ADARB2: variants seen among roughly 807,000 people sequenced by gnomAD.
ADARB2 encodes the protein adenosine deaminase RNA specific B2 (inactive), also known as inactive double-stranded RNA-specific editase B2.
ADARB2 carries 25 observed loss-of-function variants against 62.2 expected under a neutral mutation model. The observed-to-expected ratio is 0.40, with a 90% CI of 0.29 to 0.56. The LOEUF is 0.56. Among genes scored for constraint, ADARB2 ranks in the 20% least tolerant of loss-of-function variants. The pLI, the probability that ADARB2 is intolerant of heterozygous loss-of-function variation, is 0.43. For synonymous variants in ADARB2, 572 were observed against 500.8 expected (o/e 1.14, Z -1.90); for missense variants, 1,071 against 1,077.4 (o/e 0.99, Z 0.08).
chr10:1,385,454 TAAAACA>T (rs989122434), intron 1 of ADARB2, among the ~76,000 whole-genome samples: 1 of 125,714 alleles, frequency 8.0e-6, no homozygotes, highest in Non-Finnish European at 1.9e-5. Flanking sequence ...ACTATATAAA[TAAAACA>T]AAAATTCTCA....
At chr10:1,230,980 G>T (rs753631906) in intron 6 of ADARB2, among the ~76,000 whole-genome samples, 1 of 152,174 alleles carries the variant, frequency 6.6e-6, no homozygotes, top group Non-Finnish European at 1.5e-5. Context: ...CTCGGAGAAC[G>T]TATTTGTTTT....
intron 1 of ADARB2, among the ~76,000 whole-genome samples, chr10:1,517,416 T>C (rs1005212286): frequency 1.3e-5 from 2 of 152,172 alleles, no homozygotes; most frequent in Non-Finnish European, 2.9e-5. Context: ...ACTGGTATTA[T>C]CAGGAAAAAA....
chr10:1,391,973 C>A (rs11250487), intron 1 of ADARB2, among the ~76,000 whole-genome samples: 40,702 of 151,376 alleles, frequency 0.27, 6,188 homozygotes, highest in Middle Eastern at 0.39. Flanking sequence ...GACATGTTGC[C>A]CAAGCTGGTC....
intron 6 of ADARB2, among the ~76,000 whole-genome samples, chr10:1,228,195 T>C (rs1474367533): frequency 6.6e-6 from 1 of 152,242 alleles, no homozygotes; most frequent in African/African-American, 2.4e-5. Context: ...GGTAAATATA[T>C]GACATCATCT....
At chr10:1,362,531 A>G (rs1467005469) in intron 3 of ADARB2, among the ~76,000 whole-genome samples, 1 of 151,960 alleles carries the variant, frequency 6.6e-6, no homozygotes, top group Non-Finnish European at 1.5e-5. Flanking sequence ...GGGCAGAGTG[A>G]GGCCCAGCTC....
chr10:1,586,237 A>G (rs1425612422), intron 1 of ADARB2, among the ~76,000 whole-genome samples: 2 of 152,152 alleles, frequency 1.3e-5, no homozygotes, highest in Non-Finnish European at 2.9e-5. Flanking sequence ...TATTAACAAC[A>G]AACAGCCACA....
Position 1,621,994 on chromosome 10 carries a change from G to T in ADARB2, c.100+115057C>A, listed in dbSNP as rs532483974. ...GCTGATTTCAAAATTTACTACCAAG[G>T]TAAGGTAATCTAGATAAATTGAACA... On this transcript the variant is annotated intron_variant, in intron 1 of 9. Coordinates refer to ENST00000381312, the MANE Select transcript of ADARB2 (RefSeq NM_018702.4). Among the ~76,000 whole-genome samples the T allele has an allele frequency of 2.0e-5, 3 of 152,254 alleles. No individual in the cohort carries two copies. The East Asian group carries it at 5.8e-4, about 29-fold the overall frequency.
chr10:1,190,877 C>T (rs1355387349), intron 8 of ADARB2, among the ~76,000 whole-genome samples: 5 of 152,238 alleles, frequency 3.3e-5, no homozygotes, highest in Admixed American at 6.5e-5. Flanking sequence ...GACTTGGCAT[C>T]GGTGGGGGCC....
intron 1 of ADARB2, among the ~76,000 whole-genome samples, chr10:1,450,741 C>T (rs1217542614): frequency 6.6e-6 from 1 of 152,178 alleles, no homozygotes; most frequent in Non-Finnish European, 1.5e-5. Flanking sequence ...GACAGAAGCC[C>T]CTGCTTGCAT....
intron 4 of ADARB2, among the ~76,000 whole-genome samples, chr10:1,267,711 AAACAC>A (rs1831219332): frequency 6.6e-6 from 1 of 152,268 alleles, no homozygotes; most frequent in Non-Finnish European, 1.5e-5. Flanking sequence ...AATCAAACTT[AAACAC>A]AACACAACTT....
rs1832893239 is a variant in ADARB2 at position 1,426,352 on chromosome 10, G to T, written c.101-47192C>A. Among the ~76,000 whole-genome samples the T allele has an allele frequency of 1.3e-5, 2 of 152,048 alleles. No homozygotes were observed. Among genetic ancestry groups the T allele is most frequent in the African/African-American group, 2.4e-5 (1 of 41,418 alleles). On this transcript the variant is annotated intron_variant, in intron 1 of 9. Coordinates refer to ENST00000381312, the MANE Select transcript of ADARB2 (RefSeq NM_018702.4). This position sits in a 1 kb window ranked among gnomAD's most constrained non-coding sequence, Gnocchi z 4.1. Reference sequence around the variant, plus strand: ...ACAAGGAGAGAACTGCCTTATTCCTGGGCACTGGCCTTTTTAAATCCTTTC... The same window carrying T: ...ACAAGGAGAGAACTGCCTTATTCCTTGGCACTGGCCTTTTTAAATCCTTTC...
intron 3 of ADARB2, chr10:1,361,349 C>T (rs1446761120): frequency 6.6e-6 from 1 of 152,180 alleles, no homozygotes; most frequent in Non-Finnish European, 1.5e-5. Context: ...GGCCCCAGCG[C>T]CCTTGTGAGG....
chr10:1,276,140 C>T (rs1209577718), intron 3 of ADARB2, among the ~76,000 whole-genome samples: 2 of 152,080 alleles, frequency 1.3e-5, no homozygotes, highest in Non-Finnish European at 2.9e-5. Context: ...AAAAGTGTTC[C>T]TATTTCTCCA....
At chr10:1,298,375 T>C (rs1831542247) in intron 3 of ADARB2, among the ~76,000 whole-genome samples, 1 of 152,244 alleles carries the variant, frequency 6.6e-6, no homozygotes, top group South Asian at 2.1e-4. Flanking sequence ...CCATGGAGTC[T>C]GCTCTGGGTG....
intron 4 of ADARB2, among the ~76,000 whole-genome samples, chr10:1,262,866 G>A (rs571881864): frequency 5.3e-5 from 8 of 152,264 alleles, no homozygotes; most frequent in African/African-American, 1.4e-4. Context: ...CAATAGCAAA[G>A]ACTTGGAACC....
At chr10:1,653,632 A>G (rs1484969600) in intron 1 of ADARB2, among the ~76,000 whole-genome samples, 1 of 143,628 alleles carries the variant, frequency 7.0e-6, no homozygotes, top group East Asian at 1.9e-4. Flanking sequence ...GCAGAGCCGC[A>G]GTGTCCACCC....
At chr10:1,686,255 C>G (rs1288099698) in intron 1 of ADARB2, among the ~76,000 whole-genome samples, 1 of 152,152 alleles carries the variant, frequency 6.6e-6, no homozygotes, top group Non-Finnish European at 1.5e-5. Flanking sequence ...GCCAAGGCCT[C>G]GGCGGGGGTT....
At chr10:1,715,013 C>G (rs1426419145) in intron 1 of ADARB2, among the ~76,000 whole-genome samples, 1 of 139,328 alleles carries the variant, frequency 7.2e-6, no homozygotes, top group Non-Finnish European at 1.5e-5. Flanking sequence ...TCCCCCCACC[C>G]CACAACAGTC....
rs139226461 is a variant in ADARB2 at position 1,241,539 on chromosome 10, C to T, written c.1361+592G>A. Among the ~76,000 whole-genome samples, 1,316 of 152,266 alleles carry T rather than the reference C, an allele frequency of 8.6e-3. 19 individuals are homozygous for T. Among genetic ancestry groups the T allele is most frequent in the African/African-American group, 0.03 (1,250 of 41,548 alleles). ...TGAATGGCCCAGCCTGGGGGTGTGTCGCGGAGGCCACGTGCTGCAAACCAC... is the reference window on the plus strand; with the variant it reads ...TGAATGGCCCAGCCTGGGGGTGTGTTGCGGAGGCCACGTGCTGCAAACCAC... On this transcript the variant is annotated intron_variant, in intron 5 of 9. Coordinates refer to ENST00000381312, the MANE Select transcript of ADARB2 (RefSeq NM_018702.4).
Sources: allele counts gnomAD v4.1 joint callset (sites outside exome capture counted in the v4.1 genomes callset), GRCh38; gene constraint gnomAD v4.1.1; non-coding constraint Gnocchi (gnomAD v3.1); transcripts MANE v1.5; gene names NCBI Gene and HGNC (gene_info 2026-07-23, HGNC 2026-07-21).